The following KIAA1328 variants were observed in gnomAD, a reference collection of about 807,000 sequenced individuals.
KIAA1328 encodes protein hinderin.
KIAA1328 carries 52 observed loss-of-function variants against 68.1 expected under a neutral mutation model. The ratio of observed to expected loss-of-function variants is 0.76; its 90% confidence interval spans 0.61 to 0.96. KIAA1328 has a LOEUF of 0.96. Among genes scored for constraint, KIAA1328 ranks in the 40% least tolerant of loss-of-function variants. The pLI, the probability that KIAA1328 is intolerant of heterozygous loss-of-function variation, is 0.00. For missense variants in KIAA1328, 641 were observed against 677.6 expected (o/e 0.95, Z 0.60); for synonymous variants, 232 against 239.4 (o/e 0.97, Z 0.28).
At chr18:37,125,696 A>G (rs2058372992) in intron 7 of KIAA1328, among the ~76,000 whole-genome samples, 1 of 152,232 alleles carries the variant, frequency 6.6e-6, no homozygotes, top group Non-Finnish European at 1.5e-5. Flanking sequence ...AGAGTTAATA[A>G]GGAAATACAG....
At chr18:37,171,302 C>G (rs1398849139) in intron 8 of KIAA1328, among the ~76,000 whole-genome samples, 1 of 152,110 alleles carries the variant, frequency 6.6e-6, no homozygotes, top group Non-Finnish European at 1.5e-5. Context: ...GCCTCAACCT[C>G]CTGGGCTCAA....
intron 3 of KIAA1328, 65 bp downstream of exon 3, chr18:36,835,441 G>GTTCTTCTACCCTTTTT: frequency 6.9e-7 from 1 of 1,441,204 alleles, no homozygotes; most frequent in East Asian, 2.4e-5. Flanking sequence ...GACCAAAAAG[G>GTTCTTCTACCCTTTTT]GTAGAAGAAC....
chr18:37,150,546 T>A (rs954082861), intron 7 of KIAA1328, among the ~76,000 whole-genome samples: 3 of 151,148 alleles, frequency 2.0e-5, no homozygotes, highest in African/African-American at 7.3e-5. Context: ...GTCTTCCTCA[T>A]GGACATAAAT....
chr18:37,189,421 T>C (rs563657212), intron 9 of KIAA1328, among the ~76,000 whole-genome samples: 3 of 152,340 alleles, frequency 2.0e-5, no homozygotes, highest in African/African-American at 7.2e-5. Flanking sequence ...CAAATGCCTG[T>C]ATTCAGAATT....
chr18:37,228,361 A>T (rs2060649886), downstream of KIAA1328, among the ~76,000 whole-genome samples: 1 of 152,228 alleles, frequency 6.6e-6, no homozygotes, highest in Non-Finnish European at 1.5e-5. Context: ...ATCCAATAGC[A>T]TCACATGCTA....
chr18:37,181,740 A>T (rs1278128976), intron 9 of KIAA1328, among the ~76,000 whole-genome samples: 2 of 152,218 alleles, frequency 1.3e-5, no homozygotes, highest in African/African-American at 2.4e-5. Context: ...CTGAGATAGA[A>T]TTCTACTCCT....
chr18:36,876,391 A>G (rs1053494840), intron 4 of KIAA1328, among the ~76,000 whole-genome samples: 92 of 151,980 alleles, frequency 6.1e-4, no homozygotes, highest in African/African-American at 1.9e-3. Context: ...CTTCTTTCTA[A>G]TTTAGTCTTG....
At chr18:37,038,312 G>A (rs888312753) in intron 6 of KIAA1328, among the ~76,000 whole-genome samples, 4 of 152,082 alleles carry the variant, frequency 2.6e-5, no homozygotes, top group African/African-American at 7.2e-5. Flanking sequence ...AAACCTTACC[G>A]AGGACTTTCT....
intron 7 of KIAA1328, among the ~76,000 whole-genome samples, chr18:37,086,723 G>A (rs369844743): frequency 1.3e-5 from 2 of 152,180 alleles, no homozygotes; most frequent in East Asian, 3.9e-4. Context: ...CCTCAGAAAG[G>A]ATTGAAGGTT....
At chr18:36,829,277 A>G in intron 1 of KIAA1328, 81 bp downstream of exon 1, 2 of 1,442,712 alleles carry the variant, frequency 1.4e-6, no homozygotes, top group Admixed American at 2.8e-5. Flanking sequence ...GCAGTCCGAG[A>G]GCGGAGGAGA....
At chr18:37,205,950 A>G (rs2060208336) in intron 9 of KIAA1328, among the ~76,000 whole-genome samples, 1 of 152,174 alleles carries the variant, frequency 6.6e-6, no homozygotes. Flanking sequence ...GAGACCATAA[A>G]TGGTCTGGCA....
chr18:37,210,498 G>A (rs1344885456), intron 9 of KIAA1328, among the ~76,000 whole-genome samples: 1 of 152,158 alleles, frequency 6.6e-6, no homozygotes, highest in Non-Finnish European at 1.5e-5. Flanking sequence ...GGCCAATATA[G>A]TTAATACCTA....
At chr18:36,890,239 T>TTA (rs1568128326) in intron 5 of KIAA1328, among the ~76,000 whole-genome samples, 3 of 140,362 alleles carry the variant, frequency 2.1e-5, no homozygotes, top group African/African-American at 5.0e-5. Context: ...TTTTTTTTTT[T>TTA]AAAAAAAAAG....
In KIAA1328 at chr18:37,180,232, T is replaced by C. The variant is rs146288025; in HGVS notation, c.1523+7151T>C. Among the ~76,000 whole-genome samples, 19 of 152,292 alleles carry C rather than the reference T, an allele frequency of 1.2e-4. No individual in the cohort carries two copies. The East Asian group carries it at 2.3e-3, about 19-fold the overall frequency. The stretch of plus-strand genomic sequence containing the variant: ...TTATTTCATTTAAATTGCATCACAA[T>C]CCTGTGAGGTAAGGTGAGGTAAGTA... On this transcript the variant is annotated intron_variant, in intron 9 of 9. Transcript: ENST00000280020.
At chr18:37,227,523 GC>G (rs2060646377), downstream of KIAA1328, among the ~76,000 whole-genome samples, 1 of 152,166 alleles carries the variant, frequency 6.6e-6, no homozygotes, top group Non-Finnish European at 1.5e-5. Context: ...AAATCCAAAG[GC>G]TATTCAGAAT....
At chr18:36,867,684 T>C (rs2047801114) in intron 4 of KIAA1328, among the ~76,000 whole-genome samples, 2 of 152,198 alleles carry the variant, frequency 1.3e-5, no homozygotes, top group South Asian at 4.1e-4. Flanking sequence ...AGTATTTTTA[T>C]GGGTACAATG....
intron 9 of KIAA1328, among the ~76,000 whole-genome samples, chr18:37,190,335 T>TATAA (rs1201092932): frequency 6.6e-5 from 10 of 152,220 alleles, no homozygotes; most frequent in Non-Finnish European, 1.2e-4. Flanking sequence ...AAATCACTGC[T>TATAA]ATAAAATATG....
rs1285723248 is a variant in KIAA1328, at chr18:36,994,868, T to G, written c.576+35433T>G. 3.3e-5 allele frequency among the ~76,000 whole-genome samples: 5 copies of G among 152,312 alleles called. No individual in the cohort carries two copies. The East Asian group carries it at 9.6e-4, about 29-fold the overall frequency. On this transcript the variant is annotated intron_variant, in intron 6 of 9. Transcript: ENST00000280020. ...CCAGTGTTTCCAATTCCTGAGCCAA[T>G]AGCAGTTAGCCTACTTGTGAATTAG...
intron 5 of KIAA1328, among the ~76,000 whole-genome samples, chr18:36,911,331 C>T (rs573989793): frequency 1.1e-3 from 174 of 152,186 alleles, no homozygotes; most frequent in Non-Finnish European, 1.9e-3. Flanking sequence ...ATTAGGAATT[C>T]GAATTGTGAC....
Sources: gnomAD v4.1 joint callset for allele counts (sites outside exome capture counted in the v4.1 genomes callset) on GRCh38, gnomAD v4.1.1 for gene constraint, MANE v1.5 for transcripts, NCBI Gene and HGNC (gene_info 2026-07-23, HGNC 2026-07-21) for gene names.